CHSY1: variants seen among roughly 807,000 people sequenced by gnomAD.
CHSY1 encodes N-acetylgalactosaminyl-proteoglycan 3-beta-glucuronosyltransferase 1.
CHSY1 carries 13 observed loss-of-function variants against 59.8 expected under a neutral mutation model. The observed-to-expected ratio is 0.22, with a 90% CI of 0.14 to 0.35. The LOEUF (loss-of-function observed/expected upper bound fraction) is 0.35, where lower values mean the gene tolerates loss of function less well. Among genes scored for constraint, CHSY1 ranks in the 10% least tolerant of loss-of-function variants. CHSY1 has a pLI of 1.00. For synonymous variants in CHSY1, 459 were observed against 401.2 expected (o/e 1.14, Z -1.72); for missense variants, 947 against 1,030.6 (o/e 0.92, Z 1.11).
chr15:101,240,597 C>T (rs899166921), intron 1 of CHSY1, among the ~76,000 whole-genome samples: 5 of 152,216 alleles, frequency 3.3e-5, no homozygotes, highest in African/African-American at 7.2e-5. Flanking sequence ...GGTTTCTAAA[C>T]GCTATTCCTA....
At chr15:101,204,859 C>G (rs1456015226) in intron 2 of CHSY1, among the ~76,000 whole-genome samples, 1 of 152,174 alleles carries the variant, frequency 6.6e-6, no homozygotes, top group Non-Finnish European at 1.5e-5. Flanking sequence ...GAGCCAAGGT[C>G]ACACCACAGC....
chr15:101,208,661 C>T (rs972996446), intron 2 of CHSY1, among the ~76,000 whole-genome samples: 5 of 144,886 alleles, frequency 3.5e-5, no homozygotes, highest in Non-Finnish European at 5.9e-5. Context: ...TGCAGTGAAC[C>T]GAGATCGTGC....
chr15:101,250,011 G>A (rs547785295), intron 1 of CHSY1, among the ~76,000 whole-genome samples: 1 of 152,236 alleles, frequency 6.6e-6, no homozygotes, highest in South Asian at 2.1e-4. Flanking sequence ...TCCCTTAAAG[G>A]CAAGGGAGAC....
intron 2 of CHSY1, among the ~76,000 whole-genome samples, chr15:101,212,368 G>C (rs141633791): frequency 5.9e-5 from 9 of 152,250 alleles, no homozygotes; most frequent in African/African-American, 1.9e-4. Flanking sequence ...TTGTTCAAGA[G>C]TAGTCAAAGC....
intron 2 of CHSY1, among the ~76,000 whole-genome samples, chr15:101,203,235 T>G (rs753691705): frequency 2.9e-4 from 44 of 152,164 alleles, no homozygotes; most frequent in Admixed American, 6.5e-4. Context: ...GCACAGCCAG[T>G]AGACCCTGTC....
At chr15:101,197,980 A>G (rs753327976) in intron 2 of CHSY1, among the ~76,000 whole-genome samples, 1 of 152,102 alleles carries the variant, frequency 6.6e-6, no homozygotes, top group Non-Finnish European at 1.5e-5. Context: ...GGATGTAAGG[A>G]TTTGTTTCCG....
intron 2 of CHSY1, among the ~76,000 whole-genome samples, chr15:101,203,143 T>C (rs1193999164): frequency 6.6e-6 from 1 of 152,068 alleles, no homozygotes; most frequent in African/African-American, 2.4e-5. Context: ...AGCTTTAAAG[T>C]AGAAATGCAC....
At chr15:101,202,164 G>A (rs939006884) in intron 2 of CHSY1, among the ~76,000 whole-genome samples, 3 of 141,832 alleles carry the variant, frequency 2.1e-5, no homozygotes, top group Admixed American at 7.0e-5. Flanking sequence ...TCTGCAGGGG[G>A]GGCAGTGGGA....
rs1392646114 is a variant in CHSY1 at position 101,178,058 on chromosome 15, T to C, written c.1739A>G (p.Lys580Arg). ...TCTCATCAGTTCAACTTGTTTGGCC[T>C]TGTCAGGGTTGGAGTCAGAATTGAA... ...LLFNSDSNPD[K>R]AKQVELMRDY... Residue 580 changes from lysine to arginine, a missense_variant, in exon 3 of 3, where the codon AAG becomes AGG. Around this residue, in one of 4 missense-constraint regions of CHSY1, gnomAD observed 602 missense variants for 676.9 expected, o/e 0.89. Coordinates refer to ENST00000254190, the MANE Select transcript of CHSY1 (RefSeq NM_014918.5). The C allele has an allele frequency of 6.2e-7, 1 of 1,614,184 alleles. No homozygotes were observed.
At chr15:101,245,796 G>C (rs2039044685) in intron 1 of CHSY1, among the ~76,000 whole-genome samples, 1 of 152,170 alleles carries the variant, frequency 6.6e-6, no homozygotes, top group Non-Finnish European at 1.5e-5. Flanking sequence ...GTCTCCTACA[G>C]GAAATTCACG....
chr15:101,211,914 T>A (rs2038686375), intron 2 of CHSY1, among the ~76,000 whole-genome samples: 4 of 143,962 alleles, frequency 2.8e-5, no homozygotes, highest in African/African-American at 7.8e-5. Flanking sequence ...CTAGAAAATA[T>A]ATCATCCAAA....
At chr15:101,243,571 C>G (rs912840207) in intron 1 of CHSY1, among the ~76,000 whole-genome samples, 1 of 152,200 alleles carries the variant, frequency 6.6e-6, no homozygotes, top group Non-Finnish European at 1.5e-5. Context: ...ACACGCGCCT[C>G]CCAGGTGGTC....
intron 2 of CHSY1, among the ~76,000 whole-genome samples, chr15:101,205,779 G>A (rs1596441557): frequency 1.3e-5 from 2 of 152,082 alleles, no homozygotes; most frequent in Admixed American, 1.3e-4. Context: ...GTGAAACCCC[G>A]TCTCTACTAA....
At chr15:101,181,281 T>C (rs886376561) in intron 2 of CHSY1, among the ~76,000 whole-genome samples, 3 of 152,238 alleles carry the variant, frequency 2.0e-5, no homozygotes, top group African/African-American at 4.8e-5. Context: ...GTCATGACTG[T>C]CTGCTGTGAG....
chr15:101,201,513 C>G (rs1037571223), intron 2 of CHSY1, among the ~76,000 whole-genome samples: 1 of 152,220 alleles, frequency 6.6e-6, no homozygotes, highest in Non-Finnish European at 1.5e-5. Flanking sequence ...TGGGGCTGGT[C>G]TGACCCATCT....
At chr15:101,238,994 AG>A (rs2038974992) in intron 1 of CHSY1, among the ~76,000 whole-genome samples, 1 of 152,192 alleles carries the variant, frequency 6.6e-6, no homozygotes, top group Non-Finnish European at 1.5e-5. Context: ...TGACATATGG[AG>A]GGGAGATAAC....
At chr15:101,191,797 G>C (rs1230212482) in intron 2 of CHSY1, among the ~76,000 whole-genome samples, 2 of 151,942 alleles carry the variant, frequency 1.3e-5, no homozygotes, top group Non-Finnish European at 2.9e-5. Context: ...AATTATCTAT[G>C]TTAAGTAGAT....
chr15:101,216,725 T>C (rs1169424779), intron 2 of CHSY1, among the ~76,000 whole-genome samples: 1 of 152,116 alleles, frequency 6.6e-6, no homozygotes, highest in African/African-American at 2.4e-5. Context: ...ACCTAGCAGT[T>C]GGGAAGGAGG....
chr15:101,236,091 T>C (rs1213090592), intron 1 of CHSY1, among the ~76,000 whole-genome samples: 1 of 152,058 alleles, frequency 6.6e-6, no homozygotes, highest in African/African-American at 2.4e-5. Context: ...AATGTATATA[T>C]TATTATGAAC....
Sources: allele counts gnomAD v4.1 joint callset (sites outside exome capture counted in the v4.1 genomes callset), GRCh38; gene constraint gnomAD v4.1.1; regional missense constraint gnomAD v4.1.1; transcripts MANE v1.5; gene names NCBI Gene and HGNC (gene_info 2026-07-23, HGNC 2026-07-21).